Variants in TBC1D22A observed in about 807,000 individuals in gnomAD.
TBC1D22A encodes the protein TBC1 domain family member 22A.
A neutral mutation model predicts 60.2 loss-of-function variants in TBC1D22A; 38 were observed. The observed-to-expected ratio is 0.63, with a 90% CI of 0.49 to 0.83. TBC1D22A has a LOEUF of 0.83. Ranked by LOEUF, TBC1D22A falls within the 40% of genes least tolerant of loss-of-function variation. The probability of loss-of-function intolerance (pLI) is 0.00; values close to 1 mark genes in which losing one functional copy is unlikely to be tolerated. For synonymous variants in TBC1D22A, 302 were observed against 281.7 expected (o/e 1.07, Z -0.72); for missense variants, 628 against 701.0 (o/e 0.90, Z 1.18).
At chr22:47,110,116 CAGCTTCTAACCA>C (rs1265782267) in intron 11 of TBC1D22A, among the ~76,000 whole-genome samples, 1 of 152,208 alleles carries the variant, frequency 6.6e-6, no homozygotes, top group Non-Finnish European at 1.5e-5. Context: ...ACATTCCAAG[CAGCTTCTAACCA>C]CAGGGTCTCT....
chr22:47,031,890 G>A (rs968145172), intron 10 of TBC1D22A, among the ~76,000 whole-genome samples: 3 of 152,176 alleles, frequency 2.0e-5, no homozygotes, highest in Non-Finnish European at 4.4e-5. Flanking sequence ...AGGGCTTGGT[G>A]GCCTCTGTGC....
intron 10 of TBC1D22A, among the ~76,000 whole-genome samples, chr22:47,008,880 A>G (rs954699765): frequency 1.3e-5 from 2 of 152,188 alleles, no homozygotes; most frequent in African/African-American, 2.4e-5. Context: ...TTAGTTCCCT[A>G]TGTTTTGGTG....
intron 4 of TBC1D22A, among the ~76,000 whole-genome samples, chr22:46,845,406 A>G (rs74589150): frequency 0.012 from 1,752 of 152,334 alleles, 47 homozygotes; most frequent in African/African-American, 0.039. Flanking sequence ...TAACAGAGCT[A>G]TTATTATTCA....
chr22:46,891,034 C>T (rs574549266), intron 5 of TBC1D22A, among the ~76,000 whole-genome samples: 246 of 152,260 alleles, frequency 1.6e-3, no homozygotes, highest in Middle Eastern at 3.4e-3. Flanking sequence ...AGGCTGCGGA[C>T]GCAAGCCCAG....
chr22:46,994,821 C>T (rs1007405601), intron 9 of TBC1D22A, among the ~76,000 whole-genome samples: 1 of 152,186 alleles, frequency 6.6e-6, no homozygotes, highest in Non-Finnish European at 1.5e-5. Flanking sequence ...ATTTTAACAT[C>T]AGTGTGCTCC....
intron 4 of TBC1D22A, among the ~76,000 whole-genome samples, chr22:46,840,031 T>C (rs559797817): frequency 2.0e-5 from 3 of 152,206 alleles, no homozygotes; most frequent in Non-Finnish European, 4.4e-5. Flanking sequence ...CTTGACATTG[T>C]TCTGCTCAGT....
intron 9 of TBC1D22A, among the ~76,000 whole-genome samples, chr22:46,976,691 C>G (rs541155149): frequency 3.3e-5 from 5 of 152,360 alleles, no homozygotes; most frequent in African/African-American, 1.2e-4. Flanking sequence ...TAAGCACCCT[C>G]TTCACCACAT....
chr22:47,131,003 G>A (rs1232758148), intron 12 of TBC1D22A, among the ~76,000 whole-genome samples: 2 of 152,192 alleles, frequency 1.3e-5, no homozygotes, highest in African/African-American at 2.4e-5. Flanking sequence ...TGAGAGGCAC[G>A]GGGAGCCGGC....
chr22:46,783,117 A>T (rs1038008710), intron 1 of TBC1D22A, among the ~76,000 whole-genome samples: 4 of 152,138 alleles, frequency 2.6e-5, no homozygotes, highest in African/African-American at 9.7e-5. Flanking sequence ...ATCACGCTTT[A>T]GCGTCTTTTT....
chr22:46,825,478 GT>G (rs1362413169), intron 4 of TBC1D22A, among the ~76,000 whole-genome samples: 1 of 151,990 alleles, frequency 6.6e-6, no homozygotes, highest in African/African-American at 2.4e-5. Context: ...ACAGTGAATT[GT>G]TTTTTTTCTT....
chr22:47,165,108 C>T (rs932600593), intron 12 of TBC1D22A, among the ~76,000 whole-genome samples: 4 of 152,146 alleles, frequency 2.6e-5, no homozygotes, highest in Non-Finnish European at 5.9e-5. Context: ...TTGTTCTGGC[C>T]TCAGCCCTCC....
intron 8 of TBC1D22A, among the ~76,000 whole-genome samples, chr22:46,942,008 C>CATATATATATATATATATATTAT (rs1555960665): frequency 7.5e-6 from 1 of 133,630 alleles, no homozygotes; most frequent in African/African-American, 2.8e-5. Flanking sequence ...CACCAGCATA[C>CATATATATATATATATATATTAT]ATATATATAT....
At chr22:46,780,800 C>G (rs957219020) in intron 1 of TBC1D22A, among the ~76,000 whole-genome samples, 2 of 152,236 alleles carry the variant, frequency 1.3e-5, no homozygotes, top group African/African-American at 4.8e-5. Context: ...AATGGAGAAA[C>G]ATAACGCAGC....
intron 11 of TBC1D22A, among the ~76,000 whole-genome samples, chr22:47,044,005 A>AGGTGCTGGGGAGGGGCCTGTCTGAGCG (rs1478609928): frequency 6.6e-6 from 1 of 152,058 alleles, no homozygotes; most frequent in African/African-American, 2.4e-5. Context: ...TGAGCAGGGC[A>AGGTGCTGGGGAGGGGCCTGTCTGAGCG]GGGCTCCGCC....
chr22:46,884,861 G>A (rs914503590), intron 5 of TBC1D22A, among the ~76,000 whole-genome samples: 8 of 152,154 alleles, frequency 5.3e-5, no homozygotes, highest in African/African-American at 7.2e-5. Context: ...TTTAAGCAGC[G>A]AAGTAAAAGT....
chr22:47,159,903 CCA>C lies in TBC1D22A; in HGVS notation c.1426-13588_1426-13587del, dbSNP rs1186688287. Among the ~76,000 whole-genome samples the C allele has an allele frequency of 3.7e-5, 3 of 81,878 alleles. No homozygotes were observed. In the East Asian group the frequency reaches 1.3e-3, roughly 36 times the overall value. The allele number at this position is 81,878 out of a possible 152,430, so 53.7% of individuals were successfully genotyped here. A position where few individuals can be genotyped will look rare whatever the true frequency, so the allele number is the denominator to read the frequency against. On this transcript the variant is annotated intron_variant, in intron 12 of 12. Coordinates refer to ENST00000337137, the MANE Select transcript of TBC1D22A (RefSeq NM_014346.5). ...ACCATACATGCACACATCCTCCACACCACACACATGTGCCACATACATGTGTC... is the reference window on the plus strand; with the variant it reads ...ACCATACATGCACACATCCTCCACACCACACATGTGCCACATACATGTGTC...
At chr22:47,171,167 A>G (rs2068433163) in intron 12 of TBC1D22A, among the ~76,000 whole-genome samples, 1 of 152,130 alleles carries the variant, frequency 6.6e-6, no homozygotes, top group Non-Finnish European at 1.5e-5. Context: ...ACTGCCCAAG[A>G]CCACCTGGAC....
chr22:46,921,207 G>A (rs562704340), intron 8 of TBC1D22A, among the ~76,000 whole-genome samples: 5 of 152,268 alleles, frequency 3.3e-5, no homozygotes, highest in African/African-American at 1.2e-4. Flanking sequence ...CGTAGTACCC[G>A]AGAGGTAGTT....
chr22:47,083,467 T>C (rs1050257437), intron 11 of TBC1D22A, among the ~76,000 whole-genome samples: 37 of 152,024 alleles, frequency 2.4e-4, no homozygotes, highest in Admixed American at 1.8e-3. Context: ...GGCGAGACCA[T>C]CTCAAGTACT....
Sources: gnomAD v4.1 joint callset for allele counts (sites outside exome capture counted in the v4.1 genomes callset) on GRCh38, gnomAD v4.1.1 for gene constraint, MANE v1.5 for transcripts, NCBI Gene and HGNC (gene_info 2026-07-23, HGNC 2026-07-21) for gene names.